Variants in UHRF1 observed in about 807,000 individuals in gnomAD.
The protein encoded by UHRF1 is ubiquitin like with PHD and ring finger domains 1.
UHRF1 carries 9 observed loss-of-function variants against 96.5 expected under a neutral mutation model. The observed-to-expected ratio is 0.09, with a 90% CI of 0.06 to 0.16. The LOEUF is 0.16. Ranked by LOEUF, UHRF1 falls within the 10% of genes least tolerant of loss-of-function variation. The pLI, the probability that UHRF1 is intolerant of heterozygous loss-of-function variation, is 1.00. For synonymous variants in UHRF1, 455 were observed against 469.9 expected, an observed-to-expected ratio of 0.97 and a Z score of 0.41; for missense variants, 626 against 1,131.1, an observed-to-expected ratio of 0.55 and a Z score of 6.40.
chr19:4,942,852 C>G (rs371261879), intron 7 of UHRF1, among the ~76,000 whole-genome samples: 1 of 151,940 alleles, frequency 6.6e-6, no homozygotes, highest in South Asian at 2.1e-4. Flanking sequence ...AGGATCGGAT[C>G]GCTGGAGCCC....
intron 2 of UHRF1, among the ~76,000 whole-genome samples, chr19:4,926,271 C>G (rs1271925411): frequency 6.6e-6 from 1 of 152,188 alleles, no homozygotes; most frequent in African/African-American, 2.4e-5. Flanking sequence ...TGTGAACCTG[C>G]GTGTACAGGT....
intron 2 of UHRF1, among the ~76,000 whole-genome samples, chr19:4,913,252 CT>C (rs4022195): frequency 7.6e-4 from 85 of 111,188 alleles, no homozygotes; most frequent in South Asian, 3.5e-3. Flanking sequence ...GTACATTGTG[CT>C]TTTTTTTTTT....
intron 5 of UHRF1, among the ~76,000 whole-genome samples, chr19:4,937,867 T>C (rs2033264977): frequency 6.6e-6 from 1 of 152,136 alleles, no homozygotes; most frequent in African/African-American, 2.4e-5. Context: ...AACGAGACCA[T>C]AGGCTGGGTG....
At chr19:4,908,893 G>A (rs2032135137), upstream of UHRF1, among the ~76,000 whole-genome samples, 1 of 152,160 alleles carries the variant, frequency 6.6e-6, no homozygotes, top group Non-Finnish European at 1.5e-5. Flanking sequence ...CGCCAGGACT[G>A]GTCAGAGTGG....
At chr19:4,907,024 C>T (rs974658863), upstream of UHRF1, among the ~76,000 whole-genome samples, 3 of 152,222 alleles carry the variant, frequency 2.0e-5, no homozygotes, top group African/African-American at 7.2e-5. Context: ...AAACAGTGAA[C>T]AGCACCATCT....
intron 13 of UHRF1, among the ~76,000 whole-genome samples, chr19:4,952,599 G>A (rs953187979): frequency 2.6e-5 from 4 of 151,098 alleles, no homozygotes; most frequent in Non-Finnish European, 5.9e-5. Context: ...CGCCATGTTG[G>A]CCAGGCTGGT....
chr19:4,918,423 G>GTTT (rs567574185), intron 2 of UHRF1, among the ~76,000 whole-genome samples: 2 of 140,568 alleles, frequency 1.4e-5, no homozygotes, highest in Non-Finnish European at 1.6e-5. Context: ...TGCCTGGCCT[G>GTTT]TTTTTTTTTT....
At chr19:4,915,096 C>A (rs2032441757) in intron 2 of UHRF1, among the ~76,000 whole-genome samples, 1 of 152,244 alleles carries the variant, frequency 6.6e-6, no homozygotes, top group Admixed American at 6.5e-5. Flanking sequence ...GACTTCCATG[C>A]CTCAAAGGCA....
At chr19:4,911,359 C>T (rs2032268301) in intron 2 of UHRF1, among the ~76,000 whole-genome samples, 1 of 152,114 alleles carries the variant, frequency 6.6e-6, no homozygotes, top group Non-Finnish European at 1.5e-5. Flanking sequence ...CGATGGAAGG[C>T]TGAGGAATTT....
At chr19:4,943,218 G>A (rs1377197969) in intron 7 of UHRF1, among the ~76,000 whole-genome samples, 1 of 151,830 alleles carries the variant, frequency 6.6e-6, no homozygotes, top group Non-Finnish European at 1.5e-5. Context: ...CAAGCCTGGC[G>A]ACAGAGTGAG....
chr19:4,911,241 G>A (rs781369322), intron 2 of UHRF1, among the ~76,000 whole-genome samples: 1 of 152,032 alleles, frequency 6.6e-6, no homozygotes, highest in Non-Finnish European at 1.5e-5. Flanking sequence ...AGATTGACAC[G>A]CTGGGCTGGC....
chr19:4,938,523 T>A (rs1251600980), intron 5 of UHRF1, among the ~76,000 whole-genome samples: 1 of 151,924 alleles, frequency 6.6e-6, no homozygotes, highest in Non-Finnish European at 1.5e-5. Flanking sequence ...AAGACAGTTT[T>A]TTTTTGTTTG....
At chr19:4,942,001 A>C (rs1316620695) in intron 7 of UHRF1, 70 bp downstream of exon 7, 48 of 1,401,852 alleles carry the variant, frequency 3.4e-5, no homozygotes, top group Middle Eastern at 3.7e-4. Flanking sequence ...GGCACTGAGG[A>C]GATACAGGAG....
intron 2 of UHRF1, among the ~76,000 whole-genome samples, chr19:4,926,931 C>T (rs111656140): frequency 0.014 from 2,190 of 152,134 alleles, 60 homozygotes; most frequent in African/African-American, 0.05. Context: ...GGCTTGGTGG[C>T]GGGTGCCTGT....
rs537875464 is a variant in UHRF1 at position 4,932,009 on chromosome 19, G to A, written c.570-732G>A. Among the ~76,000 whole-genome samples the A allele has an allele frequency of 3.9e-5, 6 of 152,230 alleles. No homozygotes were observed. The East Asian group carries it at 9.7e-4, about 25-fold the overall frequency. On this transcript the variant is annotated intron_variant, in intron 4 of 16. Coordinates refer to ENST00000650932, the MANE Select transcript of UHRF1 (RefSeq NM_001048201.3). ...GTCAATGGCGCGATCTCGGCTCACC[G>A]CAACCTCTGCCTCCCGGGTTCAAGC...
chr19:4,941,917 C>T lies in UHRF1; in HGVS notation c.1059C>T (p.Pro353=). ...TGGACCCGCCCCTCAGCAGTGTTCC[C>T]AGCGAGGACGAGTGGTGAGTGCGGC... is the stretch of plus-strand genomic sequence containing the variant. ...YCLDPPLSSV[P]SEDEWYCPEC... is the part of the protein sequence containing the mutation. The change falls in exon 7 of 17, where the codon CCC becomes CCT. Residue 353 remains proline, a synonymous_variant. Transcript: ENST00000650932. 1 of 1,517,130 alleles carries T rather than the reference C, an allele frequency of 6.6e-7. No individual in the cohort carries two copies. The highest frequency in any genetic ancestry group is 8.8e-7 in the Non-Finnish European group (1 of 1,132,060). The allele number at this position is 1,517,130 out of a possible 1,614,324, so 94.0% of individuals were successfully genotyped here.
At chr19:4,916,987 C>T (rs775210393) in intron 2 of UHRF1, among the ~76,000 whole-genome samples, 13 of 151,882 alleles carry the variant, frequency 8.6e-5, no homozygotes, top group Non-Finnish European at 1.3e-4. Flanking sequence ...CATTATCTGC[C>T]CTGCTGTGCC....
rs779855758 is a variant in UHRF1, at chr19:4,910,907, A to G, written c.22A>G (p.Met8Val). MWIQVRT[M>V]DGRQTHTVDS... ...CACCATGTGGATCCAGGTTCGGACC[A>G]TGGACGGGAGGCAGACCCACACGGT... Residue 8 changes from methionine (M) to valine (V), a missense_variant, in exon 2 of 17, where the codon ATG becomes GTG. By Grantham distance (21) the Met-to-Val change is conservative (BLOSUM62 1). Around this residue, in one of 11 missense-constraint regions of UHRF1, gnomAD observed 32 missense variants for 46.8 expected, o/e 0.68. Coordinates refer to ENST00000650932, the MANE Select transcript of UHRF1 (RefSeq NM_001048201.3). 2 of 1,612,844 alleles carry G rather than the reference A, an allele frequency of 1.2e-6. No individual in the cohort carries two copies. The highest frequency in any genetic ancestry group is 2.2e-5 in the East Asian group (1 of 44,846).
At chr19:4,948,871 C>T (rs560001779) in intron 11 of UHRF1, among the ~76,000 whole-genome samples, 6 of 151,542 alleles carry the variant, frequency 4.0e-5, no homozygotes, top group Non-Finnish European at 8.8e-5. Context: ...CGCCTGTAAT[C>T]CCAGCACTTT....
Sources: allele counts gnomAD v4.1 joint callset (sites outside exome capture counted in the v4.1 genomes callset), GRCh38; gene constraint gnomAD v4.1.1; regional missense constraint gnomAD v4.1.1; transcripts MANE v1.5; gene names NCBI Gene and HGNC (gene_info 2026-07-23, HGNC 2026-07-21).